SLC41A1: variants seen among roughly 807,000 people sequenced by gnomAD.
SLC41A1 encodes the protein solute carrier family 41 (magnesium transporter), member 1.
A neutral mutation model predicts 47.3 loss-of-function variants in SLC41A1; 20 were observed. That is an observed-to-expected ratio of 0.42 (90% CI 0.30 to 0.61). The LOEUF (loss-of-function observed/expected upper bound fraction) is 0.61, where lower values mean the gene tolerates loss of function less well. Ranked by LOEUF, SLC41A1 falls within the 20% of genes least tolerant of loss-of-function variation. SLC41A1 has a pLI of 0.17. For missense variants in SLC41A1, 504 were observed against 674.1 expected (o/e 0.75, Z 2.79); for synonymous variants, 282 against 272.7 (o/e 1.03, Z -0.34).
chr1:205,812,744 G>A, intron 1 of SLC41A1, 64 bp downstream of exon 1: 13 of 986,150 alleles, frequency 1.3e-5, no homozygotes, highest in Non-Finnish European at 1.6e-5. Flanking sequence ...CAGCAAATGC[G>A]CTGCGCGCCA....
At chr1:205,800,863 G>T in intron 3 of SLC41A1, 90 bp downstream of exon 3, 1 of 1,232,466 alleles carries the variant, frequency 8.1e-7, no homozygotes, top group Non-Finnish European at 1.2e-6. Context: ...CCTGGGCAGT[G>T]GAGAAGGGCT....
Position 205,813,191 on chromosome 1 carries a change from G to C in SLC41A1, c.-1030C>G, listed in dbSNP as rs545070481. 1,038 of 985,426 alleles carry C rather than the reference G, an allele frequency of 1.1e-3. 10 individuals are homozygous for C. The African/African-American group carries it at 0.017, about 16-fold the overall frequency. The allele number at this position is 985,426 out of a possible 1,614,324, so 61.0% of individuals were successfully genotyped here. ...GCTGCCGGTGGCAAACGTGATCTGG[G>C]GCAGACTGGGTGGCACCCCCCCCGC... On this transcript the variant is annotated 5_prime_UTR_variant, in exon 1 of 11. Transcript: ENST00000367137.
rs555029822 is a variant in SLC41A1 at position 205,796,799 on chromosome 1, C to G, written c.1072+125G>C. ...CAGTCCCTTCATTAAGGTCTTGAAC[C>G]ATCTGAGCTAGATTCTCGTCTGCTG... On this transcript the variant is annotated intron_variant, in intron 8 of 10. Transcript: ENST00000367137. 3.3e-5 allele frequency: 31 copies of G among 930,828 alleles called. No homozygotes were observed. The Admixed American group carries it at 4.2e-4, about 13-fold the overall frequency. 57.7% of individuals were successfully genotyped at this position (930,828 alleles called of 1,614,324 possible).
chr1:205,796,890 C>T (rs1259418500), intron 8 of SLC41A1, 34 bp downstream of exon 8: 6 of 1,600,966 alleles, frequency 3.7e-6, no homozygotes, highest in Admixed American at 1.7e-5. Context: ...CTTCCCCCAG[C>T]CCTGCCCTCT....
chr1:205,812,867 C>T lies in SLC41A1; in HGVS notation c.-706G>A, dbSNP rs557897322. 1.0e-6 allele frequency: 1 copy of T among 985,140 alleles called. No individual in the cohort carries two copies. The highest frequency in any genetic ancestry group is 1.2e-6 in the Non-Finnish European group (1 of 829,808). 61.0% of individuals were successfully genotyped at this position (985,140 alleles called of 1,614,324 possible). A position where few individuals can be genotyped will look rare whatever the true frequency, so the allele number is the denominator to read the frequency against. Reference sequence around the variant, plus strand: ...CAAGTGGCAGCGTGGCCCGTGGTCTCGGGGGGTGCAGGGCACCCCCTCTTC... The same window carrying T: ...CAAGTGGCAGCGTGGCCCGTGGTCTTGGGGGGTGCAGGGCACCCCCTCTTC... On this transcript the variant is annotated 5_prime_UTR_variant, in exon 1 of 11. Transcript: ENST00000367137.
In SLC41A1 at chr1:205,795,291, C is replaced by A. The variant is rs555967801; in HGVS notation, c.1207+53G>T. The A allele has an allele frequency of 7.5e-5, 121 of 1,613,576 alleles. No homozygotes were observed. In the African/African-American group the frequency reaches 1.4e-3, roughly 19 times the overall value. On this transcript the variant is annotated intron_variant, in intron 9 of 10. Coordinates refer to ENST00000367137, the MANE Select transcript of SLC41A1 (RefSeq NM_173854.6). ...CCAGCTGTCTCTTAAGTGAAGCTCA[C>A]TGACAGTAGGCCCACTCCCCCCAGG...
chr1:205,808,052 C>T (rs930500668), intron 2 of SLC41A1, among the ~76,000 whole-genome samples: 18 of 151,818 alleles, frequency 1.2e-4, no homozygotes, highest in Non-Finnish European at 4.4e-5. Flanking sequence ...ACTTCTCGGG[C>T]TCAAATGATT....
chr1:205,799,634 G>A, intron 4 of SLC41A1, 125 bp downstream of exon 4: 1 of 1,091,266 alleles, frequency 9.2e-7, no homozygotes, highest in Non-Finnish European at 1.4e-6. Flanking sequence ...AGCTACTCTG[G>A]GGGAAGCCAG....
intron 7 of SLC41A1, among the ~76,000 whole-genome samples, chr1:205,797,250 G>A (rs1655770591): frequency 6.6e-6 from 1 of 152,198 alleles, no homozygotes. Context: ...TCCTGTACCT[G>A]CCCTCTAAGT....
At position 205,800,859 on chromosome 1, in the gene SLC41A1, C is replaced by T. The variant is rs998992475; in HGVS notation, c.480+94G>A. ...CCCAGCCCCACACTCCAGGCCTGGG[C>T]AGTGGAGAAGGGCTCGTAGCCCTCT... On this transcript the variant is annotated intron_variant, in intron 3 of 10. Transcript: ENST00000367137. 32 of 1,171,090 alleles carry T rather than the reference C, an allele frequency of 2.7e-5. No homozygotes were observed. In the East Asian group the frequency reaches 3.1e-4, roughly 11 times the overall value. 72.5% of individuals were successfully genotyped at this position (1,171,090 alleles called of 1,614,324 possible).
Position 205,810,115 on chromosome 1 carries a change from T to C in SLC41A1, c.327A>G (p.Ala109=). The C allele has an allele frequency of 6.2e-7, 1 of 1,614,156 alleles. No individual in the cohort carries two copies. Among genetic ancestry groups the C allele is most frequent in the East Asian group, 2.2e-5 (1 of 44,864 alleles). Residue 109 remains alanine, a synonymous_variant, in exon 2 of 11, where the codon GCA becomes GCG. Coordinates refer to ENST00000367137, the MANE Select transcript of SLC41A1 (RefSeq NM_173854.6). This position sits in a 1 kb window ranked among gnomAD's most constrained non-coding sequence, Gnocchi z 5.5. Reference sequence around the variant, plus strand: ...TGCCAGCAGCCACGGTCCCAAAGCCTGCCAGGAGGAATGGAAACAGTACTT... The same window carrying C: ...TGCCAGCAGCCACGGTCCCAAAGCCCGCCAGGAGGAATGGAAACAGTACTT... ...GLQVLFPFLL[A]GFGTVAAGMV...
chr1:205,808,312 G>T (rs1656063643), intron 2 of SLC41A1, among the ~76,000 whole-genome samples: 1 of 152,178 alleles, frequency 6.6e-6, no homozygotes, highest in Non-Finnish European at 1.5e-5. Flanking sequence ...GGCCACAGGG[G>T]TTAGTGGTGT....
Position 205,789,193 on chromosome 1 carries a change from C to T in SLC41A1, c.*2340G>A, listed in dbSNP as rs1234827108. 1 of 152,184 alleles carries T rather than the reference C, an allele frequency of 6.6e-6. No individual in the cohort carries two copies. The highest frequency in any genetic ancestry group is 2.4e-5 in the African/African-American group (1 of 41,450). The allele number at this position is 152,184 out of a possible 1,614,324, so 9.4% of individuals were successfully genotyped here. A position where few individuals can be genotyped will look rare whatever the true frequency, so the allele number is the denominator to read the frequency against. ...AACTATAAATAATTCTCTTAAGACA[C>T]AGTTCTGTAACTTTTTAAGGATACG... On this transcript the variant is annotated 3_prime_UTR_variant, in exon 11 of 11. Transcript: ENST00000367137.
intron 4 of SLC41A1, 109 bp downstream of exon 4, chr1:205,799,650 T>A: frequency 8.0e-7 from 1 of 1,242,666 alleles, no homozygotes; most frequent in East Asian, 2.5e-5. Flanking sequence ...GCCAGCTCAG[T>A]GGGATACTGG....
intron 6 of SLC41A1, 36 bp from the exon 7 acceptor site, chr1:205,798,087 T>A (rs761290274): frequency 2.5e-6 from 4 of 1,614,028 alleles, no homozygotes; most frequent in Non-Finnish European, 3.4e-6. Flanking sequence ...ATAAGCACTG[T>A]GTTTCCCTAC....
rs981969601 is a variant in SLC41A1 at position 205,790,264 on chromosome 1, G to C, written c.*1269C>G. ...AGGGGCACATGGCCTTTGTAACCTGGAGAATGAGGTGAGGTTAGAGCTGTG... is the reference window on the plus strand; with the variant it reads ...AGGGGCACATGGCCTTTGTAACCTGCAGAATGAGGTGAGGTTAGAGCTGTG... On this transcript the variant is annotated 3_prime_UTR_variant, in exon 11 of 11. Transcript: ENST00000367137. 1.3e-5 allele frequency: 2 copies of C among 152,240 alleles called. No homozygotes were observed. Among genetic ancestry groups the C allele is most frequent in the Non-Finnish European group, 2.9e-5 (2 of 68,052 alleles). The allele number at this position is 152,240 out of a possible 1,614,324, so 9.4% of individuals were successfully genotyped here. A position where few individuals can be genotyped will look rare whatever the true frequency, so the allele number is the denominator to read the frequency against.
At chr1:205,800,768 G>T (rs1655860526) in intron 3 of SLC41A1, among the ~76,000 whole-genome samples, 185 bp downstream of exon 3, 1 of 152,136 alleles carries the variant, frequency 6.6e-6, no homozygotes, top group Non-Finnish European at 1.5e-5. Context: ...GGGAGCCCCT[G>T]CCCAGGAGCA....
chr1:205,803,079 G>A lies in SLC41A1; in HGVS notation c.373-2019C>T, dbSNP rs150102244. Among the ~76,000 whole-genome samples the A allele has an allele frequency of 5.0e-3, 755 of 152,294 alleles. 4 individuals carry two copies. The highest frequency in any genetic ancestry group is 7.5e-3 in the Non-Finnish European group (512 of 68,028). ...AGCTACTGGGGAGGCTGAGGCAGAA[G>A]AATTGCTTGAACTTGGGAGTTGGAG... On this transcript the variant is annotated intron_variant, in intron 2 of 10. Transcript: ENST00000367137.
At position 205,797,978 on chromosome 1, in the gene SLC41A1, G is replaced by A; in HGVS notation, c.918C>T (p.Ala306=). ...VALLPVWVVL[A]RRSPATREVL... ...CCTCCCTTGTGGCTGGACTTCGTCG[G>A]GCCAGCACCACCCAGACAGGCAGCA... Residue 306 remains alanine, a synonymous_variant, in exon 7 of 11, where the codon GCC becomes GCT. Transcript: ENST00000367137. The A allele has an allele frequency of 6.2e-7, 1 of 1,614,112 alleles. No individual in the cohort carries two copies. The highest frequency in any genetic ancestry group is 8.5e-7 in the Non-Finnish European group (1 of 1,180,022).
Sources: gnomAD v4.1 joint callset for allele counts (sites outside exome capture counted in the v4.1 genomes callset) on GRCh38, gnomAD v4.1.1 for gene constraint, Gnocchi (gnomAD v3.1) non-coding constraint, MANE v1.5 for transcripts, NCBI Gene and HGNC (gene_info 2026-07-23, HGNC 2026-07-21) for gene names.